The following PLCH2 variants were observed in gnomAD, a reference collection of about 807,000 sequenced individuals.
The protein encoded by PLCH2 is 1-phosphatidylinositol 4,5-bisphosphate phosphodiesterase eta-2.
A neutral mutation model predicts 134.7 loss-of-function variants in PLCH2; 98 were observed. The ratio of observed to expected loss-of-function variants is 0.73; its 90% CI spans 0.62 to 0.86. The LOEUF (loss-of-function observed/expected upper bound fraction) is 0.86, where lower values mean the gene tolerates loss of function less well. Among genes scored for constraint, PLCH2 ranks in the 40% least tolerant of loss-of-function variants. The probability of loss-of-function intolerance (pLI) is 0.00; values close to 1 mark genes in which losing one functional copy is unlikely to be tolerated. For synonymous variants in PLCH2, 974 were observed against 827.5 expected, an observed-to-expected ratio of 1.18 and a Z score of -3.04; for missense variants, 1,994 against 1,986.6, an observed-to-expected ratio of 1.00 and a Z score of -0.07.
Position 2,504,209 on chromosome 1 carries a change from C to G in PLCH2, c.3247C>G (p.Arg1083Gly). 6.4e-7 allele frequency: 1 copy of G among 1,557,640 alleles called. No homozygotes were observed. The highest frequency in any genetic ancestry group is 8.7e-7 in the Non-Finnish European group (1 of 1,152,154). The change falls in exon 22 of 22, where the codon CGG becomes GGG. Residue 1083 changes from arginine to glycine, a missense_variant. Physicochemically the swap from Arg to Gly is moderately radical, Grantham distance 125. Coordinates refer to ENST00000378486, the MANE Select transcript of PLCH2 (RefSeq NM_014638.4). ...GSQTDGRSQPRTLGHLPVIRR... is the reference protein window; with the variant it reads ...GSQTDGRSQPGTLGHLPVIRR... ...CCAGACGGACGGCAGGAGCCAGCCC[C>G]GGACCCTGGGCCACCTGCCCGTGAT...
chr1:2,453,646 A>G (rs1030222892), intron 2 of PLCH2, among the ~76,000 whole-genome samples: 1 of 149,480 alleles, frequency 6.7e-6, no homozygotes, highest in Non-Finnish European at 1.5e-5. Flanking sequence ...CCTTCCTTCC[A>G]CCCCCTGTGG....
rs775307445 is a variant in PLCH2, at chr1:2,499,642, C to T, written c.2583C>T (p.Gly861=). 3 of 1,598,686 alleles carry T rather than the reference C, an allele frequency of 1.9e-6. No homozygotes were observed. The Admixed American group carries it at 5.2e-5, about 27-fold the overall frequency. ...RTLAFSSMMP[G]YRHVYLEGME... is the part of the protein sequence containing the mutation. ...CCCTGCTGACCCACACTGCTCCAGG[C>T]TACAGACACGTGTACCTAGAAGGGA... is the stretch of plus-strand genomic sequence containing the variant. The change falls in exon 20 of 22, where the codon GGC becomes GGT. Residue 861 remains glycine, a splice_region_variant and synonymous_variant. Transcript: ENST00000378486.
chr1:2,416,052 G>A, the PLCH2 span, among the ~76,000 whole-genome samples: 933 of 152,334 alleles, frequency 6.1e-3, 6 homozygotes, highest in Non-Finnish European at 9.5e-3. Flanking sequence ...CAGTGCGGTG[G>A]GCAGCCCCGC....
At chr1:2,473,372 G>A (rs920418772), upstream of PLCH2, among the ~76,000 whole-genome samples, 7 of 152,204 alleles carry the variant, frequency 4.6e-5, no homozygotes, top group Admixed American at 1.3e-4. Context: ...ATTCCTCTGC[G>A]TGTCACCGTG....
intron 2 of PLCH2, among the ~76,000 whole-genome samples, chr1:2,458,290 G>C (rs902393907): frequency 6.6e-6 from 1 of 152,230 alleles, no homozygotes; most frequent in African/African-American, 2.4e-5. Context: ...CTGCCGTCCA[G>C]ACACTGGGAC....
In PLCH2 at chr1:2,505,043, C is replaced by T. The variant is rs1306741986; in HGVS notation, c.4081C>T (p.Gln1361Ter). Residue 1361 changes from glutamine to a stop codon, truncating the protein, a stop_gained, in exon 22 of 22, where the codon CAG (glutamine) becomes TAG (stop). Coordinates refer to ENST00000378486, the MANE Select transcript of PLCH2 (RefSeq NM_014638.4). LOFTEE classifies it high-confidence loss of function. ...GGCCCGCCAGGCCCAGGAGCGGCAGCAGAGACTGCAGGGCCTGGGCCGGCA... is the reference window on the plus strand; with the variant it reads ...GGCCCGCCAGGCCCAGGAGCGGCAGTAGAGACTGCAGGGCCTGGGCCGGCA... ...SRARQAQERQQRLQGLGRQGP... is the reference protein window; with the variant it reads ...SRARQAQERQ 6.5e-7 allele frequency: 1 copy of T among 1,542,940 alleles called. No homozygotes were observed. The highest frequency in any genetic ancestry group is 8.7e-7 in the Non-Finnish European group (1 of 1,151,414).
At chr1:2,450,823 G>C (rs940882467) in intron 2 of PLCH2, among the ~76,000 whole-genome samples, 19 of 146,978 alleles carry the variant, frequency 1.3e-4, no homozygotes, top group Admixed American at 1.2e-3. Flanking sequence ...ACCCCAGCCT[G>C]GGCTCAAATC....
At chr1:2,467,987 A>G (rs1189110028) in intron 1 of PLCH2, among the ~76,000 whole-genome samples, 1 of 152,178 alleles carries the variant, frequency 6.6e-6, no homozygotes, top group East Asian at 1.9e-4. Flanking sequence ...AACACAGTCC[A>G]GGTGGGCGGT....
chr1:2,467,972 G>C (rs1256009983), intron 1 of PLCH2, among the ~76,000 whole-genome samples: 1 of 152,210 alleles, frequency 6.6e-6, no homozygotes, highest in Non-Finnish European at 1.5e-5. Flanking sequence ...CCCTGCAAAG[G>C]GTCCAACACA....
intron 15 of PLCH2, among the ~76,000 whole-genome samples, chr1:2,497,226 G>T (rs1642944682): frequency 6.6e-6 from 1 of 152,256 alleles, no homozygotes; most frequent in Admixed American, 6.5e-5. Context: ...CCTTGTGGGG[G>T]ATGTGGGAGC....
At chr1:2,416,092 C>T in the PLCH2 span, among the ~76,000 whole-genome samples, 1 of 152,212 alleles carries the variant, frequency 6.6e-6, no homozygotes, top group South Asian at 2.1e-4. Context: ...CAGGTGCTGC[C>T]CCCTGTGCCC....
intron 2 of PLCH2, among the ~76,000 whole-genome samples, chr1:2,434,707 G>A (rs534581448): frequency 2.0e-5 from 3 of 152,256 alleles, no homozygotes; most frequent in Non-Finnish European, 4.4e-5. Context: ...TGCCCGGGCT[G>A]CCAGCCGCAC....
intron 21 of PLCH2, chr1:2,503,688 G>A: frequency 1.5e-6 from 1 of 657,322 alleles, no homozygotes. Flanking sequence ...CCAGCCCAAG[G>A]AGGGCCCCGT....
At chr1:2,434,667 C>A (rs1051926904) in intron 2 of PLCH2, among the ~76,000 whole-genome samples, 1 of 152,210 alleles carries the variant, frequency 6.6e-6, no homozygotes, top group Non-Finnish European at 1.5e-5. Flanking sequence ...CAACCCCCTT[C>A]CCCCCACAGC....
chr1:2,484,793 GGGCAGGTCACAGCCT>G (rs1317796488), intron 5 of PLCH2, among the ~76,000 whole-genome samples, 175 bp downstream of exon 5: 3 of 152,178 alleles, frequency 2.0e-5, no homozygotes, highest in Non-Finnish European at 4.4e-5. Flanking sequence ...GATTAGGGTG[GGGCAGGTCACAGCCT>G]GGCATTTGAG....
intron 8 of PLCH2, among the ~76,000 whole-genome samples, chr1:2,488,860 G>A (rs1642414835): frequency 6.6e-6 from 1 of 152,152 alleles, no homozygotes; most frequent in Non-Finnish European, 1.5e-5. Context: ...ACTGTACCTT[G>A]GTTTTGTCCA....
intron 7 of PLCH2, 63 bp from the exon 8 acceptor site, chr1:2,487,535 T>C: frequency 1.9e-6 from 3 of 1,566,582 alleles, no homozygotes; most frequent in Non-Finnish European, 2.6e-6. Flanking sequence ...TGGTCGAAGC[T>C]CAGCCTGCCT....
At chr1:2,480,114 C>G in intron 3 of PLCH2, 69 bp from the exon 4 acceptor site, 1 of 1,598,826 alleles carries the variant, frequency 6.3e-7, no homozygotes, top group South Asian at 1.1e-5. Context: ...TCCTTCCTCC[C>G]TAGGCCAGAG....
At chr1:2,418,598 G>A in the PLCH2 span, among the ~76,000 whole-genome samples, 2 of 152,214 alleles carry the variant, frequency 1.3e-5, no homozygotes, top group Non-Finnish European at 1.5e-5. Flanking sequence ...TTTGATGCCC[G>A]ATGGACAATA....
Sources: gnomAD v4.1 joint callset for allele counts (sites outside exome capture counted in the v4.1 genomes callset) on GRCh38, gnomAD v4.1.1 for gene constraint, MANE v1.5 for transcripts, NCBI Gene and HGNC (gene_info 2026-07-23, HGNC 2026-07-21) for gene names.